The following ZNF678 variants were observed in gnomAD, a reference collection of about 807,000 sequenced individuals.
ZNF678 encodes zinc finger protein 678.
Under a neutral mutation model 3.0 loss-of-function variants are expected in ZNF678, and 5 were observed. The ratio of observed to expected loss-of-function variants is 1.69; its 90% CI spans 0.88 to 3.56. ZNF678 has a LOEUF of 3.56. Ranked by LOEUF, ZNF678 falls within the 30% of genes most tolerant of loss-of-function variation. ZNF678 has a pLI of 0.00. For missense variants in ZNF678, 593 were observed against 605.0 expected (o/e 0.98, Z 0.21); for synonymous variants, 218 against 199.6 (o/e 1.09, Z -0.78).
At chr1:227,624,421 G>A (rs1658356152) in intron 1 of ZNF678, among the ~76,000 whole-genome samples, 1 of 152,190 alleles carries the variant, frequency 6.6e-6, no homozygotes, top group Non-Finnish European at 1.5e-5. Flanking sequence ...CGCTGAAAGA[G>A]ATACTGAGAA....
chr1:227,574,458 A>G (rs1412783080), intron 1 of ZNF678, among the ~76,000 whole-genome samples: 1 of 152,248 alleles, frequency 6.6e-6, no homozygotes, highest in Admixed American at 6.5e-5. Flanking sequence ...TTTTGGTTGC[A>G]TGGATGTTTT....
intron 5 of ZNF678, among the ~76,000 whole-genome samples, chr1:227,675,318 G>T (rs1659662518): frequency 6.6e-6 from 1 of 152,158 alleles, no homozygotes; most frequent in Non-Finnish European, 1.5e-5. Flanking sequence ...AACTATGCTA[G>T]CACCTTGATT....
intron 1 of ZNF678, among the ~76,000 whole-genome samples, chr1:227,613,027 A>G (rs564441183): frequency 2.3e-4 from 35 of 152,286 alleles, no homozygotes; most frequent in African/African-American, 7.9e-4. Flanking sequence ...GGGGAATGGC[A>G]TTACCTGAGC....
downstream of ZNF678, among the ~76,000 whole-genome samples, chr1:227,666,247 T>G (rs1659502304): frequency 6.6e-6 from 1 of 152,186 alleles, no homozygotes; most frequent in Non-Finnish European, 1.5e-5. Flanking sequence ...CTAGACTGAT[T>G]ATTAAGCTAA....
intron 1 of ZNF678, among the ~76,000 whole-genome samples, chr1:227,567,014 T>C (rs1026861042): frequency 1.3e-5 from 2 of 152,220 alleles, no homozygotes; most frequent in Non-Finnish European, 2.9e-5. Context: ...TATAGATTCA[T>C]GAAACATCAG....
intron 1 of ZNF678, among the ~76,000 whole-genome samples, chr1:227,589,776 G>A (rs1657361909): frequency 6.6e-6 from 1 of 151,768 alleles, no homozygotes; most frequent in Non-Finnish European, 1.5e-5. Context: ...GTCAGGGGTC[G>A]ATCTTTAACT....
rs1320552824 is a variant in ZNF678, at chr1:227,655,672, A to G, written c.1422A>G (p.Ser474=). 2 of 1,612,776 alleles carry G rather than the reference A, an allele frequency of 1.2e-6. No individual in the cohort carries two copies. The highest frequency in any genetic ancestry group is 2.2e-5 in the South Asian group (2 of 91,034). Residue 474 remains serine, a synonymous_variant, in exon 4 of 4, where the codon TCA becomes TCG. Coordinates refer to ENST00000343776, the MANE Select transcript of ZNF678 (RefSeq NM_001367909.1). ...GTGGCAAAGCCTTTAACCAGTTCTC[A>G]AGCCTTACTCGTCATAAAAGAATTC... ...EECGKAFNQF[S]SLTRHKRIHT... is the part of the protein sequence containing the mutation.
chr1:227,596,223 G>A (rs10916172), intron 1 of ZNF678, among the ~76,000 whole-genome samples: 20,176 of 152,224 alleles, frequency 0.13, 1,759 homozygotes, highest in East Asian at 0.25. Context: ...AGGAGCTGCC[G>A]CAACCATCCG....
At chr1:227,627,257 G>T (rs1450411252) in intron 1 of ZNF678, among the ~76,000 whole-genome samples, 3 of 151,924 alleles carry the variant, frequency 2.0e-5, no homozygotes, top group Non-Finnish European at 4.4e-5. Flanking sequence ...CCATTGGTTA[G>T]CTGCAGGCAA....
At chr1:227,621,527 T>G (rs1372546443) in intron 1 of ZNF678, among the ~76,000 whole-genome samples, 1 of 152,184 alleles carries the variant, frequency 6.6e-6, no homozygotes, top group Non-Finnish European at 1.5e-5. Context: ...GAAGCACATC[T>G]CAGTATCTGA....
intron 1 of ZNF678, among the ~76,000 whole-genome samples, chr1:227,612,886 T>C (rs1658054671): frequency 6.6e-6 from 1 of 152,166 alleles, no homozygotes; most frequent in Non-Finnish European, 1.5e-5. Context: ...TGTTCTTTGT[T>C]GTTGATTAGC....
intron 1 of ZNF678, among the ~76,000 whole-genome samples, chr1:227,589,216 G>A (rs1037717632): frequency 7.9e-5 from 12 of 151,742 alleles, no homozygotes; most frequent in Admixed American, 2.0e-4. Context: ...AACTTTGCCT[G>A]TGCCTATGTG....
At chr1:227,667,032 A>C (rs568983835), downstream of ZNF678, among the ~76,000 whole-genome samples, 1 of 149,896 alleles carries the variant, frequency 6.7e-6, no homozygotes, top group East Asian at 2.0e-4. Flanking sequence ...GGCGTGAGCT[A>C]CCGCACCCGG....
chr1:227,595,442 T>G (rs1027653878), intron 1 of ZNF678, among the ~76,000 whole-genome samples: 8 of 152,350 alleles, frequency 5.3e-5, no homozygotes, highest in African/African-American at 1.9e-4. Flanking sequence ...TCCAGGCTTC[T>G]TTCTGATGGC....
chr1:227,588,027 A>G (rs1482434139), intron 1 of ZNF678, among the ~76,000 whole-genome samples: 1 of 151,618 alleles, frequency 6.6e-6, no homozygotes, highest in African/African-American at 2.4e-5. Flanking sequence ...TGTTCCCCCA[A>G]CATGTTCATG....
At position 227,640,278 on chromosome 1, in the gene ZNF678, G is replaced by T. The variant is rs533242186; in HGVS notation, c.-163-6266G>T. ...CTGAGGAGAGGATGGTGTAGGAAAAGAAGTGGATACAGTTGACTGGGAAGA... is the reference window on the plus strand; with the variant it reads ...CTGAGGAGAGGATGGTGTAGGAAAATAAGTGGATACAGTTGACTGGGAAGA... On this transcript the variant is annotated intron_variant, in intron 1 of 3. Transcript: ENST00000343776. 1.2e-4 allele frequency among the ~76,000 whole-genome samples: 18 copies of T among 152,226 alleles called. No homozygotes were observed. In the South Asian group the frequency reaches 2.3e-3, roughly 19 times the overall value.
chr1:227,597,759 AAATT>A, intron 1 of ZNF678, among the ~76,000 whole-genome samples: 1 of 152,222 alleles, frequency 6.6e-6, no homozygotes, highest in East Asian at 1.9e-4. Flanking sequence ...ATAAAAAAGA[AAATT>A]AAAGGATGAC....
chr1:227,666,557 G>A (rs772058167), downstream of ZNF678, among the ~76,000 whole-genome samples: 1 of 152,046 alleles, frequency 6.6e-6, no homozygotes, highest in Non-Finnish European at 1.5e-5. Flanking sequence ...TGTGGCTTAG[G>A]GGAAGTATTT....
chr1:227,624,980 G>A (rs1023596146), intron 1 of ZNF678, among the ~76,000 whole-genome samples: 5 of 152,138 alleles, frequency 3.3e-5, no homozygotes, highest in African/African-American at 7.2e-5. Context: ...GTGAAAACAG[G>A]GTTCCCATAC....
Sources: gnomAD v4.1 joint callset for allele counts (sites outside exome capture counted in the v4.1 genomes callset) on GRCh38, gnomAD v4.1.1 for gene constraint, MANE v1.5 for transcripts, NCBI Gene and HGNC (gene_info 2026-07-23, HGNC 2026-07-21) for gene names.